PCDHA2: variants seen among roughly 807,000 people sequenced by gnomAD.
The protein encoded by PCDHA2 is protocadherin alpha 2.
In PCDHA2, 58 loss-of-function variants were observed where a neutral mutation model predicts 66.0. The observed-to-expected ratio is 0.88, with a 90% CI of 0.71 to 1.09. PCDHA2 has a LOEUF of 1.09. Ranked by LOEUF, PCDHA2 falls within the 50% of genes least tolerant of loss-of-function variation. PCDHA2 has a pLI of 0.00. For synonymous variants in PCDHA2, 634 were observed against 554.0 expected (o/e 1.14, Z -2.03); for missense variants, 1,267 against 1,242.3 (o/e 1.02, Z -0.30).
intron 1 of PCDHA2, chr5:140,823,624 G>A: frequency 1.2e-6 from 2 of 1,614,052 alleles, no homozygotes; most frequent in East Asian, 4.5e-5. Flanking sequence ...GCCTGGCAGT[G>A]CGCGCATCCC....
intron 1 of PCDHA2, chr5:140,863,295 C>A: frequency 6.8e-7 from 1 of 1,463,648 alleles, no homozygotes; most frequent in South Asian, 1.1e-5. Context: ...TGTACCTGAT[C>A]ATCGCCATCT....
At chr5:140,878,586 C>T (rs1020008029) in intron 1 of PCDHA2, among the ~76,000 whole-genome samples, 9 of 152,164 alleles carry the variant, frequency 5.9e-5, no homozygotes, top group Non-Finnish European at 1.3e-4. Context: ...TGCCCTGTGC[C>T]TATTACCAAG....
At chr5:140,904,826 TTA>T (rs1554191735) in intron 1 of PCDHA2, among the ~76,000 whole-genome samples, 2 of 152,206 alleles carry the variant, frequency 1.3e-5, no homozygotes, top group South Asian at 4.1e-4. Context: ...GAGCATTTTT[TTA>T]TATGTTTCAT....
chr5:140,963,873 C>A (rs757553114), intron 1 of PCDHA2, among the ~76,000 whole-genome samples: 5 of 152,188 alleles, frequency 3.3e-5, no homozygotes, highest in Non-Finnish European at 5.9e-5. Flanking sequence ...GTTTTGCTTA[C>A]TATTGTTTTC....
chr5:140,881,655 C>T (rs1336529643), intron 1 of PCDHA2, among the ~76,000 whole-genome samples: 1 of 152,120 alleles, frequency 6.6e-6, no homozygotes, highest in Non-Finnish European at 1.5e-5. Flanking sequence ...TCACCTTCAC[C>T]GATTTTATTC....
intron 1 of PCDHA2, among the ~76,000 whole-genome samples, chr5:140,901,369 C>G (rs1366309820): frequency 1.3e-5 from 2 of 152,120 alleles, no homozygotes; most frequent in African/African-American, 2.4e-5. Flanking sequence ...GTCTTTAATC[C>G]ATTTTAATTC....
chr5:140,970,141 G>T, intron 1 of PCDHA2, among the ~76,000 whole-genome samples: 1 of 152,166 alleles, frequency 6.6e-6, no homozygotes, highest in East Asian at 1.9e-4. Context: ...AAGGGAAAAA[G>T]AATTCTCCCA....
At chr5:140,860,563 A>G (rs1332482786) in intron 1 of PCDHA2, 4 of 152,330 alleles carry the variant, frequency 2.6e-5, no homozygotes, top group Admixed American at 1.3e-4. Flanking sequence ...AGAGGTACTG[A>G]TCATACACAA....
chr5:140,963,829 A>G (rs1460358277), intron 1 of PCDHA2, among the ~76,000 whole-genome samples: 1 of 152,180 alleles, frequency 6.6e-6, no homozygotes, highest in African/African-American at 2.4e-5. Context: ...CTTTACATAC[A>G]TTTTCTCATG....
At chr5:140,884,511 G>T (rs1202323930) in intron 1 of PCDHA2, 6 of 1,614,074 alleles carry the variant, frequency 3.7e-6, no homozygotes, top group African/African-American at 1.3e-5. Context: ...GCAGGGAGTT[G>T]GTCGTACTCG....
chr5:140,801,220 A>G (rs782702902), intron 1 of PCDHA2: 2 of 1,609,174 alleles, frequency 1.2e-6, no homozygotes, highest in South Asian at 1.1e-5. Context: ...TGGCGAGAAG[A>G]TCCTGGAGCC....
At chr5:140,999,486 A>G (rs1282748321) in intron 3 of PCDHA2, among the ~76,000 whole-genome samples, 1 of 152,144 alleles carries the variant, frequency 6.6e-6, no homozygotes, top group Non-Finnish European at 1.5e-5. Context: ...ACTCAAGTCT[A>G]TGTTACCCAA....
In PCDHA2 at chr5:140,795,564, G is replaced by C; in HGVS notation, c.600G>C (p.Leu200=). The C allele has an allele frequency of 6.2e-7, 1 of 1,614,158 alleles. No individual in the cohort carries two copies. Among genetic ancestry groups the C allele is most frequent in the Non-Finnish European group, 8.5e-7 (1 of 1,180,016 alleles). The change falls in exon 1 of 4, where the codon CTG becomes CTC. Residue 200 remains leucine (L), a synonymous_variant. Transcript: ENST00000526136. ...ESLSLVLGKS[L]DREETAEVNL... ...TGTCTCTCGTGCTGGGGAAATCGCT[G>C]GACAGAGAGGAAACTGCTGAGGTTA...
rs144940545 is a variant in PCDHA2, at chr5:140,840,415, A to G, written c.2388+43063A>G. Among the ~76,000 whole-genome samples the G allele has an allele frequency of 1.2e-3, 182 of 152,100 alleles. 3 individuals are homozygous for G. In the East Asian group the frequency reaches 0.029, roughly 25 times the overall value. On this transcript the variant is annotated intron_variant, in intron 1 of 3. Coordinates refer to ENST00000526136, the MANE Select transcript of PCDHA2 (RefSeq NM_018905.3). ...ATATGGAGTTAAGAATACTTCAAAT[A>G]ATAGGCTAGTTTAAAGCCGTGGAAA...
At chr5:140,863,032 G>T (rs781870887) in intron 1 of PCDHA2, 2 of 556,874 alleles carry the variant, frequency 3.6e-6, no homozygotes, top group East Asian at 9.4e-5. Context: ...CGCAACAGCT[G>T]CATCTGTCAG....
At chr5:140,955,008 C>T (rs1393836611) in intron 1 of PCDHA2, among the ~76,000 whole-genome samples, 2 of 152,142 alleles carry the variant, frequency 1.3e-5, no homozygotes, top group Non-Finnish European at 2.9e-5. Flanking sequence ...CCAATTCTCC[C>T]AGCACCATTT....
intron 1 of PCDHA2, among the ~76,000 whole-genome samples, chr5:140,895,931 C>A (rs1365477787): frequency 5.3e-5 from 8 of 152,210 alleles, no homozygotes; most frequent in African/African-American, 1.9e-4. Flanking sequence ...CTGCCTCAGC[C>A]TCCCGAGTAG....
At chr5:140,846,207 T>C (rs1310866622) in intron 1 of PCDHA2, among the ~76,000 whole-genome samples, 2 of 149,584 alleles carry the variant, frequency 1.3e-5, no homozygotes, top group Non-Finnish European at 3.0e-5. Context: ...GTATGAGATC[T>C]TTCCATTAAT....
chr5:140,871,522 A>T, intron 1 of PCDHA2: 1 of 1,549,186 alleles, frequency 6.5e-7, no homozygotes, highest in Non-Finnish European at 8.7e-7. Flanking sequence ...TCCACCTATC[A>T]GGAAGTGTAT....
Sources: gnomAD v4.1 joint callset for allele counts (sites outside exome capture counted in the v4.1 genomes callset) on GRCh38, gnomAD v4.1.1 for gene constraint, MANE v1.5 for transcripts, NCBI Gene and HGNC (gene_info 2026-07-23, HGNC 2026-07-21) for gene names.